The following HSD17B12 variants were observed in gnomAD, a reference collection of about 807,000 sequenced individuals.
HSD17B12 encodes hydroxysteroid 17-beta dehydrogenase 12.
HSD17B12 carries 32 observed loss-of-function variants against 39.3 expected under a neutral mutation model. That is an observed-to-expected ratio of 0.81 (90% confidence interval 0.61 to 1.09). The LOEUF (loss-of-function observed/expected upper bound fraction) is 1.09, where lower values mean the gene tolerates loss of function less well. HSD17B12 is among the 50% of genes least tolerant of loss of function. The pLI is 0.00. For synonymous variants in HSD17B12, 150 were observed against 146.7 expected (o/e 1.02, Z -0.16); for missense variants, 342 against 382.9 (o/e 0.89, Z 0.89).
intron 1 of HSD17B12, among the ~76,000 whole-genome samples, chr11:43,693,740 A>G (rs1949884863): frequency 6.6e-6 from 1 of 152,184 alleles, no homozygotes; most frequent in Non-Finnish European, 1.5e-5. Flanking sequence ...TCTGGAGAAA[A>G]CTTCTTCAGA....
At chr11:43,785,173 T>C (rs1950804373) in intron 3 of HSD17B12, among the ~76,000 whole-genome samples, 1 of 152,098 alleles carries the variant, frequency 6.6e-6, no homozygotes, top group Non-Finnish European at 1.5e-5. Flanking sequence ...AGACTCAGAA[T>C]TGTTGCTGGG....
chr11:43,637,261 C>T, the HSD17B12 span, among the ~76,000 whole-genome samples: 3 of 142,608 alleles, frequency 2.1e-5, no homozygotes, highest in South Asian at 4.5e-4. Flanking sequence ...TCCTCTGTCA[C>T]CCAGGCTGGA....
At chr11:43,846,642 G>A (rs1222181229) in intron 9 of HSD17B12, among the ~76,000 whole-genome samples, 1 of 152,174 alleles carries the variant, frequency 6.6e-6, no homozygotes, top group Non-Finnish European at 1.5e-5. Flanking sequence ...ACTAGCCTGG[G>A]CAACAGAACA....
At chr11:43,641,511 T>C in the HSD17B12 span, among the ~76,000 whole-genome samples, 1 of 151,986 alleles carries the variant, frequency 6.6e-6, no homozygotes, top group African/African-American at 2.4e-5. Flanking sequence ...TGAATTAAAG[T>C]TAATTAAGAT....
the HSD17B12 span, among the ~76,000 whole-genome samples, chr11:43,592,396 T>C: frequency 6.6e-6 from 1 of 152,234 alleles, no homozygotes; most frequent in Admixed American, 6.5e-5. Flanking sequence ...TCAGAAGTAA[T>C]TCAAATTCAC....
chr11:43,602,548 A>G, the HSD17B12 span, among the ~76,000 whole-genome samples: 1 of 152,200 alleles, frequency 6.6e-6, no homozygotes, highest in South Asian at 2.1e-4. Context: ...CCCCACTGCT[A>G]TATCCTCACT....
the HSD17B12 span, among the ~76,000 whole-genome samples, chr11:43,591,371 C>T: frequency 6.6e-6 from 1 of 151,990 alleles, no homozygotes. Context: ...TCAAAGTTAT[C>T]CTTTAGGAAG....
chr11:43,644,880 C>G, the HSD17B12 span: 1 of 152,174 alleles, frequency 6.6e-6, no homozygotes, highest in African/African-American at 2.4e-5. Context: ...GAAATGCCTT[C>G]TTATTAACTT....
At chr11:43,753,126 G>A (rs184991713) in intron 2 of HSD17B12, among the ~76,000 whole-genome samples, 153 of 151,900 alleles carry the variant, frequency 1.0e-3, no homozygotes, top group African/African-American at 3.6e-3. Flanking sequence ...ATGTGTCCTG[G>A]GATAGTAACC....
At chr11:43,557,673 T>C in the HSD17B12 span, among the ~76,000 whole-genome samples, 2 of 152,104 alleles carry the variant, frequency 1.3e-5, no homozygotes, top group Non-Finnish European at 2.9e-5. Context: ...GCTGGTTGTG[T>C]AGAGGAAAAC....
the HSD17B12 span, among the ~76,000 whole-genome samples, chr11:43,612,216 G>C: frequency 6.6e-6 from 1 of 152,010 alleles, no homozygotes; most frequent in Admixed American, 6.6e-5. Context: ...TATAATTTGG[G>C]GTATTTTATA....
At chr11:43,660,252 G>T in the HSD17B12 span, among the ~76,000 whole-genome samples, 131 of 152,236 alleles carry the variant, frequency 8.6e-4, no homozygotes, top group African/African-American at 3.0e-3. Context: ...TCTCATGCAT[G>T]GTTGTCCAAG....
chr11:43,560,642 T>A, the HSD17B12 span, among the ~76,000 whole-genome samples: 3 of 152,138 alleles, frequency 2.0e-5, no homozygotes, highest in Non-Finnish European at 2.9e-5. Flanking sequence ...CTGCCAACAT[T>A]GTGGGACAGG....
intron 7 of HSD17B12, chr11:43,834,107 A>G (rs1355384064): frequency 6.6e-6 from 1 of 152,168 alleles, no homozygotes; most frequent in East Asian, 1.9e-4. Context: ...TTCTTCCACA[A>G]AGCAATATTT....
chr11:43,677,767 T>C (rs1949704414), upstream of HSD17B12, among the ~76,000 whole-genome samples: 1 of 152,220 alleles, frequency 6.6e-6, no homozygotes, highest in Non-Finnish European at 1.5e-5. Flanking sequence ...ACAAAGGACA[T>C]GAACTCATCC....
At chr11:43,778,924 A>G (rs4592416) in intron 3 of HSD17B12, among the ~76,000 whole-genome samples, 59,441 of 152,044 alleles carry the variant, frequency 0.39, 12,733 homozygotes, top group East Asian at 0.68. Flanking sequence ...AATATTTATA[A>G]TCTCTTAGGA....
rs1463009092 is a variant in HSD17B12 at position 43,831,099 on chromosome 11, G to A, written c.536+89G>A. The A allele has an allele frequency of 5.6e-6, 7 of 1,239,608 alleles. No homozygotes were observed. The highest frequency in any genetic ancestry group is 6.9e-6 in the Non-Finnish European group (6 of 868,416). 76.8% of individuals were successfully genotyped at this position (1,239,608 alleles called of 1,614,324 possible). A position where few individuals can be genotyped will look rare whatever the true frequency, so the allele number is the denominator to read the frequency against. On this transcript the variant is annotated intron_variant, in intron 7 of 10. Coordinates refer to ENST00000278353, the MANE Select transcript of HSD17B12 (RefSeq NM_016142.3). This position sits in a 1 kb window ranked among gnomAD's most constrained non-coding sequence, Gnocchi z 4.1. ...TCCTTGCTTTGAAAAAATCACTGAA[G>A]TGACTAATGAACCAAGCCTCCATGT...
chr11:43,566,036 T>A, the HSD17B12 span, among the ~76,000 whole-genome samples: 3 of 152,254 alleles, frequency 2.0e-5, no homozygotes, highest in Non-Finnish European at 4.4e-5. Context: ...GGATGCTCTG[T>A]ATTTCCGAAT....
chr11:43,619,245 AATAT>A, the HSD17B12 span, among the ~76,000 whole-genome samples: 7 of 70,722 alleles, frequency 9.9e-5, no homozygotes, highest in African/African-American at 2.6e-4. Context: ...ATATATATAA[AATAT>A]ATATATATAT....
Sources: gnomAD v4.1 joint callset for allele counts (sites outside exome capture counted in the v4.1 genomes callset) on GRCh38, gnomAD v4.1.1 for gene constraint, Gnocchi (gnomAD v3.1) non-coding constraint, MANE v1.5 for transcripts, NCBI Gene and HGNC (gene_info 2026-07-23, HGNC 2026-07-21) for gene names.